The following RTEL1 variants were observed in gnomAD, a reference collection of about 807,000 sequenced individuals.
The protein encoded by RTEL1 is regulator of telomere elongation helicase 1.
RTEL1 carries 86 observed loss-of-function variants against 162.2 expected under a neutral mutation model. That is an observed-to-expected ratio of 0.53 (90% confidence interval 0.45 to 0.63). The LOEUF is 0.63. Ranked by LOEUF, RTEL1 falls within the 30% of genes least tolerant of loss-of-function variation. The pLI is 0.00. For synonymous variants in RTEL1, 958 were observed against 717.9 expected, an observed-to-expected ratio of 1.33 and a Z score of -5.35; for missense variants, 1,941 against 1,750.2, an observed-to-expected ratio of 1.11 and a Z score of -1.95.
intron 6 of RTEL1, among the ~76,000 whole-genome samples, chr20:63,663,536 C>G (rs2090062673): frequency 6.6e-6 from 1 of 152,232 alleles, no homozygotes; most frequent in East Asian, 1.9e-4. Flanking sequence ...TGCTTCTCCA[C>G]CCACGTGGCT....
rs1209205180 is a variant in RTEL1 at position 63,668,613 on chromosome 20, T to A, written c.699+1060T>A. ...AAGGGAAGAGGTGAGTGGGGGCGGC[T>A]GGGGGGCCGACTCCTGGGAAGCTGT... On this transcript the variant is annotated intron_variant, in intron 8 of 34. Transcript: ENST00000360203. The surrounding 1 kb of genome is among the most constrained non-coding windows in gnomAD (Gnocchi z 4.3). 2.0e-5 allele frequency among the ~76,000 whole-genome samples: 3 copies of A among 150,928 alleles called. No individual in the cohort carries two copies. The highest frequency in any genetic ancestry group is 7.3e-5 in the African/African-American group (3 of 40,978).
chr20:63,690,578 C>T, intron 26 of RTEL1, 137 bp downstream of exon 26: 2 of 1,248,838 alleles, frequency 1.6e-6, no homozygotes, highest in South Asian at 3.2e-5. Context: ...AAGGCTGCCT[C>T]TCCCTCCTAG....
At position 63,679,773 on chromosome 20, in the gene RTEL1, CCTT is replaced by C. The variant is rs902711359; in HGVS notation, c.1038-70_1038-68del. The C allele has an allele frequency of 2.0e-4, 231 of 1,148,466 alleles. 1 individual carries two copies. Among genetic ancestry groups the C allele is most frequent in the Admixed American group, 3.6e-4 (21 of 58,778 alleles). 71.1% of individuals were successfully genotyped at this position (1,148,466 alleles called of 1,614,324 possible). On this transcript the variant is annotated intron_variant, in intron 12 of 34. Transcript: ENST00000360203. ...TCGTCCCCCCTCAGGCCCGAGCCTG[CCTT>C]CTTCTCCTCAGTTCCCAAAGCTGCA...
At chr20:63,672,433 A>T in intron 8 of RTEL1, 123 bp from the exon 9 acceptor site, 2 of 794,148 alleles carry the variant, frequency 2.5e-6, no homozygotes, top group Non-Finnish European at 4.3e-6. Flanking sequence ...TCTGCTCTCG[A>T]CATCGCCGGC....
chr20:63,685,514 G>T lies in RTEL1; in HGVS notation c.1192-9G>T. Reference sequence around the variant, plus strand: ...CTCCTGACGGGGCTGCACTTCCTCTGCCTTTCAGATTGTGTTCAGTGTGGA... The same window carrying T: ...CTCCTGACGGGGCTGCACTTCCTCTTCCTTTCAGATTGTGTTCAGTGTGGA... On this transcript the variant is annotated splice_polypyrimidine_tract_variant and intron_variant, in intron 14 of 34. Coordinates refer to ENST00000360203, the MANE Select transcript of RTEL1 (RefSeq NM_001283009.2). 6.2e-7 allele frequency: 1 copy of T among 1,605,954 alleles called. No individual in the cohort carries two copies. Among genetic ancestry groups the T allele is most frequent in the Non-Finnish European group, 8.5e-7 (1 of 1,179,692 alleles).
intron 6 of RTEL1, among the ~76,000 whole-genome samples, chr20:63,664,656 C>T (rs1174096346): frequency 6.6e-6 from 1 of 152,214 alleles, no homozygotes; most frequent in Non-Finnish European, 1.5e-5. Context: ...TAGCCGTGAA[C>T]CTTCGCACCC....
chr20:63,682,035 C>T (rs746021651), intron 14 of RTEL1: 21 of 985,340 alleles, frequency 2.1e-5, no homozygotes, highest in Non-Finnish European at 2.3e-5. Flanking sequence ...AGCACATGGC[C>T]AGGCGAGGTA....
rs2090928724 is a variant in RTEL1, at chr20:63,694,771, C to T, written c.3140C>T (p.Ser1047Phe). 2 of 1,610,584 alleles carry T rather than the reference C, an allele frequency of 1.2e-6. No homozygotes were observed. The highest frequency in any genetic ancestry group is 1.7e-6 in the Non-Finnish European group (2 of 1,179,002). Residue 1047 changes from serine (S) to phenylalanine (F), a missense_variant, in exon 32 of 35, where the codon TCT becomes TTT. Transcript: ENST00000360203. ...GDPGSQPQWG[S>F]GVPRAGKQGQ... ...CCTGGCAGCCAACCACAGTGGGGGT[C>T]TGGAGTGCCCAGAGCAGGGAAGCAG...
chr20:63,659,624 C>T, intron 2 of RTEL1, 120 bp downstream of exon 2: 2 of 753,300 alleles, frequency 2.7e-6, no homozygotes, highest in Non-Finnish European at 4.7e-6. Context: ...CAGCGTCTGT[C>T]ATAAAAAGGG....
At position 63,661,534 on chromosome 20, in the gene RTEL1, G is replaced by A. The variant is rs763835420; in HGVS notation, c.301+38G>A. On this transcript the variant is annotated intron_variant, in intron 3 of 34. Coordinates refer to ENST00000360203, the MANE Select transcript of RTEL1 (RefSeq NM_001283009.2). This position sits in a 1 kb window ranked among gnomAD's most constrained non-coding sequence, Gnocchi z 5.1. ...CCCAGGCCTCTCCTGGCCTCCTGTGGGGATGGTTGGCAAGGGATGGCGCTG... is the reference window on the plus strand; with the variant it reads ...CCCAGGCCTCTCCTGGCCTCCTGTGAGGATGGTTGGCAAGGGATGGCGCTG... The A allele has an allele frequency of 2.5e-6, 4 of 1,584,892 alleles. No individual in the cohort carries two copies. The highest frequency in any genetic ancestry group is 3.4e-6 in the Non-Finnish European group (4 of 1,168,750).
chr20:63,666,763 C>A (rs565713928), intron 7 of RTEL1, among the ~76,000 whole-genome samples: 2 of 151,504 alleles, frequency 1.3e-5, no homozygotes, highest in Non-Finnish European at 2.9e-5. Context: ...CTCCTGAGCT[C>A]GAGAGTTCCA....
chr20:63,663,418 C>T (rs868656644), intron 6 of RTEL1, among the ~76,000 whole-genome samples: 1 of 152,294 alleles, frequency 6.6e-6, no homozygotes, highest in African/African-American at 2.4e-5. Flanking sequence ...GTGGGTCCAA[C>T]ACGGGATGCC....
chr20:63,687,463 T>A, intron 16 of RTEL1, 175 bp from the exon 17 acceptor site: 1 of 730,942 alleles, frequency 1.4e-6, no homozygotes. Context: ...GCTGGCAGGC[T>A]CACACTCAGG....
rs2090787638 is a variant in RTEL1, at chr20:63,692,889, G to A, written c.2737G>A (p.Ala913Thr). ...GCAGGAGTTGAGCCAAGCCAACTTT[G>A]CCACCTTCACCCAGGCCCTGCAGGA... Reference protein sequence around the residue: ...VKQELSQANFATFTQALQDYK... With the variant: ...VKQELSQANFTTFTQALQDYK... Residue 913 changes from alanine to threonine, a missense_variant, in exon 29 of 35, where the codon GCC becomes ACC. Transcript: ENST00000360203. 1.2e-6 allele frequency: 2 copies of A among 1,612,660 alleles called. No homozygotes were observed. The highest frequency in any genetic ancestry group is 1.7e-6 in the Non-Finnish European group (2 of 1,179,872).
intron 9 of RTEL1, 111 bp downstream of exon 9, chr20:63,672,732 C>A: frequency 1.1e-6 from 1 of 886,162 alleles, no homozygotes; most frequent in Non-Finnish European, 1.8e-6. Flanking sequence ...GCCCTAGGTG[C>A]CCAGGACTGG....
intron 4 of RTEL1, chr20:63,662,323 C>T (rs544692044): frequency 1.5e-4 from 120 of 822,388 alleles, no homozygotes; most frequent in African/African-American, 2.7e-4. Context: ...TTCCTGTGGC[C>T]GGACCAGTGG....
intron 28 of RTEL1, 184 bp from the exon 29 acceptor site, chr20:63,692,620 AG>A: frequency 1.6e-6 from 1 of 619,740 alleles, no homozygotes. Flanking sequence ...AGACGGGCCC[AG>A]CCCCACAGCT....
At position 63,695,090 on chromosome 20, in the gene RTEL1, A is replaced by G. The variant is rs2090940827; in HGVS notation, c.3368A>G (p.His1123Arg). Residue 1123 changes from histidine to arginine, a missense_variant, in exon 33 of 35, where the codon CAC (histidine) becomes CGC (arginine). His to Arg is a conservative substitution (Grantham distance 29, BLOSUM62 0). Coordinates refer to ENST00000360203, the MANE Select transcript of RTEL1 (RefSeq NM_001283009.2). ...GGGTTCAGCATGTTTGTGCGTCCACACCACAAGCAGCGCTTCTCACAGACG... is the reference window on the plus strand; with the variant it reads ...GGGTTCAGCATGTTTGTGCGTCCACGCCACAAGCAGCGCTTCTCACAGACG... ...LHRFSMFVRP[H>R]HKQRFSQTCT... 1.9e-6 allele frequency: 3 copies of G among 1,612,048 alleles called. No homozygotes were observed. The highest frequency in any genetic ancestry group is 2.5e-6 in the Non-Finnish European group (3 of 1,179,798).
At chr20:63,678,740 C>T (rs2090420162) in intron 12 of RTEL1, among the ~76,000 whole-genome samples, 1 of 137,854 alleles carries the variant, frequency 7.3e-6, no homozygotes, top group South Asian at 2.5e-4. Context: ...CGGAACGGCA[C>T]ACACTCCCAC....
Sources: allele counts gnomAD v4.1 joint callset (sites outside exome capture counted in the v4.1 genomes callset), GRCh38; gene constraint gnomAD v4.1.1; non-coding constraint Gnocchi (gnomAD v3.1); transcripts MANE v1.5; gene names NCBI Gene and HGNC (gene_info 2026-07-23, HGNC 2026-07-21).